The following ITPR1 variants were observed in gnomAD, a reference collection of about 807,000 sequenced individuals.
The protein encoded by ITPR1 is inositol 1,4,5-trisphosphate receptor type 1.
A neutral mutation model predicts 318.4 loss-of-function variants in ITPR1; 96 were observed. That is an observed-to-expected ratio of 0.30 (90% CI 0.26 to 0.36). The LOEUF (loss-of-function observed/expected upper bound fraction) is 0.36, where lower values mean the gene tolerates loss of function less well. Among genes scored for constraint, ITPR1 ranks in the 10% least tolerant of loss-of-function variants. The probability of loss-of-function intolerance (pLI) is 1.00; values close to 1 mark genes in which losing one functional copy is unlikely to be tolerated. For synonymous variants in ITPR1, 1,312 were observed against 1,289.9 expected, an observed-to-expected ratio of 1.02 and a Z score of -0.37; for missense variants, 2,440 against 3,460.2, an observed-to-expected ratio of 0.71 and a Z score of 7.40.
chr3:4,582,728 C>T (rs1382827763), intron 4 of ITPR1, among the ~76,000 whole-genome samples: 1 of 151,554 alleles, frequency 6.6e-6, no homozygotes, highest in African/African-American at 2.4e-5. Flanking sequence ...GTCTTACCAT[C>T]TGTTAGATTT....
In ITPR1 at chr3:4,547,386, A is replaced by G. The variant is rs551835964; in HGVS notation, c.163+26292A>G. On this transcript the variant is annotated intron_variant, in intron 4 of 61. Transcript: ENST00000649015. ...ATTCATGGAAAGCTGTAATATAAGCAATGAAAAGACCGTTCTTCACATGTG... is the reference window on the plus strand; with the variant it reads ...ATTCATGGAAAGCTGTAATATAAGCGATGAAAAGACCGTTCTTCACATGTG... Among the ~76,000 whole-genome samples the G allele has an allele frequency of 6.8e-4, 103 of 152,324 alleles. 1 individual carries two copies. The highest frequency in any genetic ancestry group is 2.2e-3 in the African/African-American group (93 of 41,568).
At chr3:4,511,092 G>A (rs1313649212) in intron 2 of ITPR1, among the ~76,000 whole-genome samples, 1 of 152,122 alleles carries the variant, frequency 6.6e-6, no homozygotes, top group African/African-American at 2.4e-5. Flanking sequence ...GTAGCTGTGG[G>A]ACATGAGAGA....
intron 5 of ITPR1, among the ~76,000 whole-genome samples, chr3:4,631,943 C>T (rs570876418): frequency 1.2e-4 from 19 of 152,276 alleles, no homozygotes; most frequent in African/African-American, 4.6e-4. Flanking sequence ...TGGACTACTG[C>T]GCCCAGCCGA....
intron 52 of ITPR1, among the ~76,000 whole-genome samples, chr3:4,794,266 G>A (rs142342508): frequency 3.8e-4 from 58 of 152,302 alleles, no homozygotes; most frequent in East Asian, 2.3e-3. Flanking sequence ...GAGAATGCCC[G>A]GCCAGCGTGG....
chr3:4,531,601 C>A (rs1373742143), intron 4 of ITPR1, among the ~76,000 whole-genome samples: 1 of 152,196 alleles, frequency 6.6e-6, no homozygotes, highest in African/African-American at 2.4e-5. Flanking sequence ...ACCTCTCAGC[C>A]TTATCTGCAG....
intron 51 of ITPR1, among the ~76,000 whole-genome samples, chr3:4,784,972 C>T (rs1368988290): frequency 6.6e-6 from 1 of 152,048 alleles, no homozygotes; most frequent in Non-Finnish European, 1.5e-5. Context: ...TCCACCTAAT[C>T]TAGGGAATGC....
intron 2 of ITPR1, among the ~76,000 whole-genome samples, chr3:4,511,353 A>T (rs1422998988): frequency 1.3e-5 from 2 of 152,022 alleles, no homozygotes; most frequent in Non-Finnish European, 2.9e-5. Flanking sequence ...TAGAGGGCAA[A>T]GGGAAGCTCA....
chr3:4,744,334 G>A (rs545665230), intron 44 of ITPR1, among the ~76,000 whole-genome samples: 14 of 152,340 alleles, frequency 9.2e-5, no homozygotes, highest in South Asian at 8.3e-4. Context: ...TTCTGGTCTA[G>A]CAAGAGGTCT....
intron 4 of ITPR1, among the ~76,000 whole-genome samples, chr3:4,523,003 T>G (rs933104268): frequency 2.0e-5 from 3 of 151,582 alleles, no homozygotes; most frequent in Non-Finnish European, 2.9e-5. Context: ...GGCATTGGGA[T>G]TTTTGAAAGC....
intron 35 of ITPR1, 21 bp downstream of exon 35, chr3:4,699,962 A>G: frequency 6.2e-7 from 1 of 1,609,532 alleles, no homozygotes; most frequent in South Asian, 1.1e-5. Flanking sequence ...ACCAACGTCA[A>G]GCAGAATGTT....
At chr3:4,746,338 G>A (rs920023408) in intron 44 of ITPR1, among the ~76,000 whole-genome samples, 7 of 152,144 alleles carry the variant, frequency 4.6e-5, no homozygotes, top group African/African-American at 1.4e-4. Flanking sequence ...AGTGCCTCAC[G>A]TGGTCTGGCC....
chr3:4,681,039 T>C (rs532467480), intron 25 of ITPR1, among the ~76,000 whole-genome samples: 51 of 152,280 alleles, frequency 3.3e-4, no homozygotes, highest in African/African-American at 1.2e-3. Context: ...TTACTCACTT[T>C]GGAAGTTTTT....
chr3:4,634,127 C>T (rs553192259), intron 5 of ITPR1, among the ~76,000 whole-genome samples: 1 of 151,896 alleles, frequency 6.6e-6, no homozygotes, highest in Non-Finnish European at 1.5e-5. Context: ...AAAAACAGCC[C>T]GCAACCCATT....
rs2046698903 is a variant in ITPR1 at position 4,779,708 on chromosome 3, G to A, written c.6387+63G>A. On this transcript the variant is annotated intron_variant, in intron 49 of 61. Coordinates refer to ENST00000649015, the MANE Select transcript of ITPR1 (RefSeq NM_001378452.1). This position sits in a 1 kb window ranked among gnomAD's most constrained non-coding sequence, Gnocchi z 4.0. ...GCATTGCGACGATATTTGGGACAGA[G>A]CAGAGGATCTGCTTCCTGGAGCTTT... The A allele has an allele frequency of 6.0e-6, 7 of 1,163,118 alleles. No individual in the cohort carries two copies. Among genetic ancestry groups the A allele is most frequent in the Non-Finnish European group, 1.3e-6 (1 of 779,596 alleles). 72.0% of individuals were successfully genotyped at this position (1,163,118 alleles called of 1,614,324 possible). A position where few individuals can be genotyped will look rare whatever the true frequency, so the allele number is the denominator to read the frequency against.
At chr3:4,677,749 C>A (rs1402843332) in intron 24 of ITPR1, among the ~76,000 whole-genome samples, 1 of 152,086 alleles carries the variant, frequency 6.6e-6, no homozygotes, top group Non-Finnish European at 1.5e-5. Context: ...TGGGTTATAA[C>A]AAGCTTGTAT....
intron 8 of ITPR1, among the ~76,000 whole-genome samples, chr3:4,644,664 A>C (rs527237606): frequency 6.6e-6 from 1 of 152,284 alleles, no homozygotes; most frequent in East Asian, 1.9e-4. Context: ...CAATACATCT[A>C]CTTCTCCTCT....
chr3:4,800,616 TTCC>T lies in ITPR1; in HGVS notation c.7107+18_7107+20del. On this transcript the variant is annotated intron_variant, in intron 54 of 61. Coordinates refer to ENST00000649015, the MANE Select transcript of ITPR1 (RefSeq NM_001378452.1). Reference sequence around the variant, plus strand: ...CGCTTTCAATGTAAGTGTGAATACCTTCCTTGCCACTGTTTTGTTTGCAGATTA... The same window carrying T: ...CGCTTTCAATGTAAGTGTGAATACCTTTGCCACTGTTTTGTTTGCAGATTA... 1 of 1,611,392 alleles carries T rather than the reference TTCC, an allele frequency of 6.2e-7. No homozygotes were observed. Among genetic ancestry groups the T allele is most frequent in the Non-Finnish European group, 8.5e-7 (1 of 1,177,766 alleles).
At chr3:4,648,201 C>T (rs1377293689) in intron 10 of ITPR1, among the ~76,000 whole-genome samples, 1 of 151,922 alleles carries the variant, frequency 6.6e-6, no homozygotes, top group Admixed American at 6.6e-5. Flanking sequence ...AGAAAAGTTT[C>T]CACAGTTATG....
At position 4,768,561 on chromosome 3, in the gene ITPR1, G is replaced by C; in HGVS notation, c.5776G>C (p.Glu1926Gln). ...ITEEVRDQLLEASAATRKAFT... is the reference protein window; with the variant it reads ...ITEEVRDQLLQASAATRKAFT... Reference sequence around the variant, plus strand: ...AGAAGAGGTCCGGGATCAGCTCCTGGAGGCCTCCGCTGCCACCAGGAAAGC... The same window carrying C: ...AGAAGAGGTCCGGGATCAGCTCCTGCAGGCCTCCGCTGCCACCAGGAAAGC... The change falls in exon 46 of 62, where the codon GAG becomes CAG. Residue 1926 changes from glutamate (E) to glutamine (Q), a missense_variant. Physicochemically the swap from Glu to Gln is conservative, Grantham distance 29. Coordinates refer to ENST00000649015, the MANE Select transcript of ITPR1 (RefSeq NM_001378452.1). 6.2e-7 allele frequency: 1 copy of C among 1,613,918 alleles called. No individual in the cohort carries two copies. The highest frequency in any genetic ancestry group is 2.2e-5 in the East Asian group (1 of 44,878).
Sources: allele counts gnomAD v4.1 joint callset (sites outside exome capture counted in the v4.1 genomes callset), GRCh38; gene constraint gnomAD v4.1.1; non-coding constraint Gnocchi (gnomAD v3.1); transcripts MANE v1.5; gene names NCBI Gene and HGNC (gene_info 2026-07-23, HGNC 2026-07-21).